FANCI: variants seen among roughly 807,000 people sequenced by gnomAD.
FANCI encodes FA complementation group I, also known as Fanconi anemia group I protein.
In FANCI, 156 loss-of-function variants were observed where a neutral mutation model predicts 176.1. That is an observed-to-expected ratio of 0.89 (90% CI 0.78 to 1.01). The LOEUF (loss-of-function observed/expected upper bound fraction) is 1.01. FANCI is among the 50% of genes least tolerant of loss of function. The pLI, the probability that FANCI is intolerant of heterozygous loss-of-function variation, is 0.00. For missense variants in FANCI, 1,678 were observed against 1,534.1 expected, an observed-to-expected ratio of 1.09 and a Z score of -1.57; for synonymous variants, 613 against 541.7, an observed-to-expected ratio of 1.13 and a Z score of -1.83.
chr15:89,309,141 A>G (rs2054852110), intron 34 of FANCI, among the ~76,000 whole-genome samples: 2 of 152,218 alleles, frequency 1.3e-5, no homozygotes, highest in South Asian at 2.1e-4. Context: ...TCATAAAGCT[A>G]TTACTTCTGG....
At chr15:89,258,475 A>G (rs1268940943) in intron 2 of FANCI, among the ~76,000 whole-genome samples, 2 of 152,226 alleles carry the variant, frequency 1.3e-5, no homozygotes, top group African/African-American at 4.8e-5. Context: ...ACTTAGTGCT[A>G]AGTTATAAAC....
At chr15:89,307,797 G>T in intron 34 of FANCI, 125 bp downstream of exon 34, 1 of 1,562,196 alleles carries the variant, frequency 6.4e-7, no homozygotes, top group Non-Finnish European at 8.7e-7. Context: ...CAAGCTGGAG[G>T]CACCCATCAG....
intron 13 of FANCI, 128 bp downstream of exon 13, chr15:89,277,019 C>A: frequency 1.1e-6 from 1 of 892,806 alleles, no homozygotes; most frequent in Admixed American, 1.8e-5. Flanking sequence ...GGATATATGA[C>A]AGAGATTAGG....
At position 89,278,697 on chromosome 15, in the gene FANCI, T is replaced by C; in HGVS notation, c.1304T>C (p.Met435Thr). ...ILLETFKIHE[M>T]IRQEILEQVL... Reference sequence around the variant, plus strand: ...TTCTGTTCTTTTTAGATCCATGAGATGATCAGACAAGAAATTTTGGAGCAG... The same window carrying C: ...TTCTGTTCTTTTTAGATCCATGAGACGATCAGACAAGAAATTTTGGAGCAG... The change falls in exon 14 of 38, where the codon ATG becomes ACG. Residue 435 changes from methionine (M) to threonine (T), a missense_variant. By Grantham distance (81) the Met-to-Thr change is moderately conservative. Coordinates refer to ENST00000310775, the MANE Select transcript of FANCI (RefSeq NM_001113378.2). 1 of 1,613,272 alleles carries C rather than the reference T, an allele frequency of 6.2e-7. No homozygotes were observed. The highest frequency in any genetic ancestry group is 8.5e-7 in the Non-Finnish European group (1 of 1,179,252).
chr15:89,283,144 A>G lies in FANCI; in HGVS notation c.1592A>G (p.Asp531Gly). Residue 531 changes from aspartate (D) to glycine (G), a missense_variant, in exon 17 of 38, where the codon GAT (aspartate) becomes GGT (glycine). Coordinates refer to ENST00000310775, the MANE Select transcript of FANCI (RefSeq NM_001113378.2). ...LRKAMFANQLDARKSAVAGFL... is the reference protein window; with the variant it reads ...LRKAMFANQLGARKSAVAGFL... Reference sequence around the variant, plus strand: ...CTCTATTTCTGAGCTAGCCAGCTTGATGCCCGAAAATCTGCAGTTGCTGGG... The same window carrying G: ...CTCTATTTCTGAGCTAGCCAGCTTGGTGCCCGAAAATCTGCAGTTGCTGGG... 1 of 1,614,190 alleles carries G rather than the reference A, an allele frequency of 6.2e-7. No homozygotes were observed. The highest frequency in any genetic ancestry group is 2.2e-5 in the East Asian group (1 of 44,876).
In FANCI at chr15:89,266,617, C is replaced by T. The variant is rs373876471; in HGVS notation, c.756-1782C>T. Among the ~76,000 whole-genome samples the T allele has an allele frequency of 5.9e-5, 9 of 151,872 alleles. No individual in the cohort carries two copies. The East Asian group carries it at 1.8e-3, about 30-fold the overall frequency. ...GTGCTGGGATTACAGGCGTGAGCCA[C>T]TGCACCTGGCCCAAGCCTGGCTAAT... is the stretch of plus-strand genomic sequence containing the variant. On this transcript the variant is annotated intron_variant, in intron 9 of 37. Coordinates refer to ENST00000310775, the MANE Select transcript of FANCI (RefSeq NM_001113378.2).
At chr15:89,263,207 AC>A (rs1464090385) in intron 6 of FANCI, among the ~76,000 whole-genome samples, 1 of 152,226 alleles carries the variant, frequency 6.6e-6, no homozygotes, top group Non-Finnish European at 1.5e-5. Flanking sequence ...CCACAATCTC[AC>A]CAACATTGGG....
At chr15:89,285,032 A>G in intron 17 of FANCI, 64 bp from the exon 18 acceptor site, 1 of 1,610,836 alleles carries the variant, frequency 6.2e-7, no homozygotes, top group Non-Finnish European at 8.5e-7. Context: ...ACATAGGCTC[A>G]TTTAGCTCCT....
chr15:89,285,840 A>G (rs945539768), intron 18 of FANCI, among the ~76,000 whole-genome samples: 9 of 152,146 alleles, frequency 5.9e-5, no homozygotes, highest in Non-Finnish European at 1.3e-4. Context: ...CTAAAGTGGT[A>G]TGAAAACTTT....
chr15:89,263,919 G>T lies in FANCI; in HGVS notation c.562G>T (p.Ala188Ser). ...GATCCACAGGGATGTCCCTCTGACTGCAGAAGAGGTGGAATTTGTGGTGGA... is the reference window on the plus strand; with the variant it reads ...GATCCACAGGGATGTCCCTCTGACTTCAGAAGAGGTGGAATTTGTGGTGGA... ...TSMFKDVPLTAEEVEFVVEKA... is the reference protein window; with the variant it reads ...TSMFKDVPLTSEEVEFVVEKA... The change falls in exon 8 of 38, where the codon GCA becomes TCA. Residue 188 changes from alanine to serine, a missense_variant. Physicochemically the swap from Ala to Ser is moderately conservative, Grantham distance 99. Transcript: ENST00000310775. 6.2e-7 allele frequency: 1 copy of T among 1,614,086 alleles called. No homozygotes were observed. Among genetic ancestry groups the T allele is most frequent in the Non-Finnish European group, 8.5e-7 (1 of 1,179,940 alleles).
chr15:89,281,862 G>T, intron 16 of FANCI, 27 bp downstream of exon 16: 1 of 1,603,906 alleles, frequency 6.2e-7, no homozygotes, highest in Non-Finnish European at 8.5e-7. Context: ...TCTATCATAG[G>T]AAGACGTTGT....
chr15:89,309,446 C>T (rs8038264), intron 34 of FANCI, among the ~76,000 whole-genome samples: 6,063 of 152,118 alleles, frequency 0.04, 379 homozygotes, highest in African/African-American at 0.14. Flanking sequence ...TCGTGGTGTC[C>T]ATTTGCATAT....
intron 17 of FANCI, 87 bp downstream of exon 17, chr15:89,283,337 A>T (rs1254446307): frequency 6.3e-7 from 1 of 1,589,266 alleles, no homozygotes; most frequent in Admixed American, 1.7e-5. Context: ...TATTCCTGTT[A>T]TGGTTGTAAG....
intron 27 of FANCI, among the ~76,000 whole-genome samples, chr15:89,302,719 G>A (rs564309225): frequency 1.1e-4 from 16 of 151,674 alleles, no homozygotes; most frequent in Non-Finnish European, 4.4e-5. Flanking sequence ...GACTACAGGC[G>A]CCTGCCACAA....
At chr15:89,265,606 C>G (rs1054432051) in intron 9 of FANCI, among the ~76,000 whole-genome samples, 2 of 150,532 alleles carry the variant, frequency 1.3e-5, no homozygotes, top group Admixed American at 6.6e-5. Context: ...TCAGTGCAAC[C>G]TCCACCTCCT....
intron 11 of FANCI, 48 bp from the exon 12 acceptor site, chr15:89,274,120 T>A: frequency 7.4e-7 from 1 of 1,354,962 alleles, no homozygotes; most frequent in Non-Finnish European, 1.0e-6. Context: ...AGGTGCTTGA[T>A]CTTTTATTTA....
chr15:89,259,003 A>G (rs866493880), intron 3 of FANCI: 5 of 512,102 alleles, frequency 9.8e-6, no homozygotes, highest in East Asian at 3.5e-5. Context: ...TTGGGGGCCT[A>G]TAATTACAGA....
At chr15:89,293,687 GTATTA>G in intron 22 of FANCI, 141 bp from the exon 23 acceptor site, 2 of 876,454 alleles carry the variant, frequency 2.3e-6, no homozygotes, top group South Asian at 1.6e-5. Flanking sequence ...TGACCTGGGA[GTATTA>G]TATTAATGAA....
At chr15:89,281,464 T>G (rs2053611707) in intron 15 of FANCI, among the ~76,000 whole-genome samples, 164 bp downstream of exon 15, 1 of 152,216 alleles carries the variant, frequency 6.6e-6, no homozygotes, top group Non-Finnish European at 1.5e-5. Flanking sequence ...AGCAAGACTG[T>G]TTTCCAGGTT....
Sources: allele counts gnomAD v4.1 joint callset (sites outside exome capture counted in the v4.1 genomes callset), GRCh38; gene constraint gnomAD v4.1.1; transcripts MANE v1.5; gene names NCBI Gene and HGNC (gene_info 2026-07-23, HGNC 2026-07-21).